The following ZNF343 variants were observed in gnomAD, a reference collection of about 807,000 sequenced individuals.
The protein encoded by ZNF343 is zinc finger protein 343.
ZNF343 carries 11 observed loss-of-function variants against 13.8 expected under a neutral mutation model. The ratio of observed to expected loss-of-function variants is 0.80; its 90% CI spans 0.50 to 1.32. The LOEUF is 1.32. Ranked by LOEUF, ZNF343 falls within the 40% of genes most tolerant of loss-of-function variation. The pLI is 0.00. For missense variants in ZNF343, 658 were observed against 714.2 expected (o/e 0.92, Z 0.90); for synonymous variants, 248 against 260.0 (o/e 0.95, Z 0.44).
chr20:2,500,158 A>G (rs1200058975), intron 2 of ZNF343, among the ~76,000 whole-genome samples: 1 of 152,214 alleles, frequency 6.6e-6, no homozygotes. Flanking sequence ...TAGAATGTTG[A>G]TAACTGAGGA....
upstream of ZNF343, among the ~76,000 whole-genome samples, chr20:2,511,658 C>G (rs553549661): frequency 6.6e-6 from 1 of 152,276 alleles, no homozygotes; most frequent in African/African-American, 2.4e-5. Context: ...TAAAATTCAT[C>G]TAAAAATGAA....
intron 1 of ZNF343, among the ~76,000 whole-genome samples, chr20:2,519,538 C>A (rs1206501350): frequency 6.6e-6 from 1 of 152,212 alleles, no homozygotes; most frequent in Non-Finnish European, 1.5e-5. Flanking sequence ...GCCTGCCAGC[C>A]TCCATAATTG....
rs757150871 is a variant in ZNF343, at chr20:2,483,403, G to C, written c.1558C>G (p.Pro520Ala). Residue 520 changes from proline (P) to alanine (A), a missense_variant, in exon 6 of 6, where the codon CCT becomes GCT. Coordinates refer to ENST00000278772, the MANE Select transcript of ZNF343 (RefSeq NM_024325.6). ...CGCCCACATTCCCTGCAAATATAAGGCTTCTCATTTGAGTGCGTCCTCTGG... is the reference window on the plus strand; with the variant it reads ...CGCCCACATTCCCTGCAAATATAAGCCTTCTCATTTGAGTGCGTCCTCTGG... ...RHQRTHSNEK[P>A]YICRECGRGF... The C allele has an allele frequency of 1.4e-5, 22 of 1,611,766 alleles. No homozygotes were observed. The South Asian group carries it at 2.1e-4, about 15-fold the overall frequency.
chr20:2,523,604 T>A (rs2085791757), intron 1 of ZNF343, among the ~76,000 whole-genome samples: 1 of 151,846 alleles, frequency 6.6e-6, no homozygotes, highest in East Asian at 1.9e-4. Flanking sequence ...TCCTACTGTT[T>A]GAGGAGCCAG....
intron 2 of ZNF343, among the ~76,000 whole-genome samples, chr20:2,496,679 T>G (rs2122640759): frequency 6.6e-6 from 1 of 152,032 alleles, no homozygotes; most frequent in East Asian, 1.9e-4. Context: ...ACAGTGTAGG[T>G]GGTAAATAGC....
chr20:2,495,426 AAT>A (rs1339539882), intron 2 of ZNF343: 1 of 152,232 alleles, frequency 6.6e-6, no homozygotes, highest in Non-Finnish European at 1.5e-5. Context: ...TTGGAAAATG[AAT>A]GTGAGTGAAA....
intron 1 of ZNF343, among the ~76,000 whole-genome samples, chr20:2,523,662 C>T (rs1385815918): frequency 6.7e-6 from 1 of 149,560 alleles, no homozygotes; most frequent in Non-Finnish European, 1.5e-5. Context: ...AAACCCCACT[C>T]CATAGCTATG....
chr20:2,515,930 T>G (rs2085757372), intron 1 of ZNF343, among the ~76,000 whole-genome samples: 1 of 151,910 alleles, frequency 6.6e-6, no homozygotes, highest in Non-Finnish European at 1.5e-5. Flanking sequence ...GGTCAGCGGC[T>G]GTGAAAGGAG....
At position 2,524,453 on chromosome 20, in the gene ZNF343, A is replaced by AC. The variant is rs1172142302; in HGVS notation, c.-347+1dup. On this transcript the variant is annotated splice_donor_variant, in intron 1 of 6. Transcript: ENST00000358413. LOFTEE classifies it low-confidence loss of function (5UTR_SPLICE). ...AGTGTCCACTAGGTCTCCACTTCTT[A>AC]CCGTGAGGCTGGGTTTCGCGTTCTG... 3 of 152,482 alleles carry AC rather than the reference A, an allele frequency of 2.0e-5. No individual in the cohort carries two copies. Among genetic ancestry groups the AC allele is most frequent in the Non-Finnish European group, 2.9e-5 (2 of 68,250 alleles). The allele number at this position is 152,482 out of a possible 1,614,324, so 9.4% of individuals were successfully genotyped here.
chr20:2,524,959 C>T (rs940747809), upstream of ZNF343, among the ~76,000 whole-genome samples: 3 of 152,232 alleles, frequency 2.0e-5, no homozygotes, highest in African/African-American at 7.2e-5. Flanking sequence ...CGGAGTCCCC[C>T]TCTCCGGAGT....
At chr20:2,492,446 T>C (rs2085380822) in intron 5 of ZNF343, among the ~76,000 whole-genome samples, 1 of 152,244 alleles carries the variant, frequency 6.6e-6, no homozygotes, top group Admixed American at 6.5e-5. Flanking sequence ...CCCTTTATCC[T>C]GCCTTATTTC....
rs2085239422 is a variant in ZNF343 at position 2,484,132 on chromosome 20, T to G, written c.829A>C (p.Ser277Arg). The change falls in exon 6 of 6, where the codon AGC becomes CGC. Residue 277 changes from serine to arginine, a missense_variant. Ser to Arg is a moderately radical substitution (Grantham distance 110). Transcript: ENST00000278772. ...KPYICSDCGR[S>R]FKDRSTLIRH... is the part of the protein sequence containing the mutation. ...ATGAGGGTTGATCTATCTTTAAAGC[T>G]TCGCCCACAATCACTGCAAATGTAG... 2.5e-6 allele frequency: 4 copies of G among 1,614,216 alleles called. No individual in the cohort carries two copies. Among genetic ancestry groups the G allele is most frequent in the Non-Finnish European group, 3.4e-6 (4 of 1,180,026 alleles).
chr20:2,511,399 C>T (rs956907168), upstream of ZNF343, among the ~76,000 whole-genome samples: 3 of 152,138 alleles, frequency 2.0e-5, no homozygotes, highest in Non-Finnish European at 2.9e-5. Flanking sequence ...CATGAGCCAC[C>T]GCACCTGGCC....
rs1403065581 is a variant in ZNF343 at position 2,484,029 on chromosome 20, T to C, written c.932A>G (p.Asn311Ser). Residue 311 changes from asparagine to serine, a missense_variant, in exon 6 of 6, where the codon AAC (asparagine) becomes AGC (serine). By Grantham distance (46) the Asn-to-Ser change is conservative. Coordinates refer to ENST00000278772, the MANE Select transcript of ZNF343 (RefSeq NM_024325.6). ...ATGTGTTCTCTGGTGTCTGCTGAGG[T>C]TGGACTTCTGGCTAAAACCTCGCCC... ...ECGRGFSQKS[N>S]LSRHQRTHSE... The C allele has an allele frequency of 2.5e-6, 4 of 1,614,002 alleles. No individual in the cohort carries two copies. The highest frequency in any genetic ancestry group is 2.2e-5 in the South Asian group (2 of 91,068).
At chr20:2,511,615 C>A (rs1022729175), upstream of ZNF343, among the ~76,000 whole-genome samples, 1 of 152,174 alleles carries the variant, frequency 6.6e-6, no homozygotes, top group African/African-American at 2.4e-5. Context: ...AATGGGAAAT[C>A]TCTGTCCCTT....
intron 2 of ZNF343, among the ~76,000 whole-genome samples, chr20:2,496,765 G>A (rs2085466076): frequency 6.6e-6 from 1 of 152,062 alleles, no homozygotes; most frequent in African/African-American, 2.4e-5. Flanking sequence ...TAGTATTTTT[G>A]CCTGGAGCAG....
intron 5 of ZNF343, among the ~76,000 whole-genome samples, chr20:2,491,128 T>A (rs1392110389): frequency 6.6e-6 from 1 of 152,232 alleles, no homozygotes; most frequent in African/African-American, 2.4e-5. Flanking sequence ...TCTACATGTT[T>A]TATCTAGAAA....
At chr20:2,520,594 A>G (rs1437714730) in intron 1 of ZNF343, among the ~76,000 whole-genome samples, 1 of 152,158 alleles carries the variant, frequency 6.6e-6, no homozygotes, top group Non-Finnish European at 1.5e-5. Context: ...TCATTAATAT[A>G]CTGCTTATTT....
chr20:2,497,514 CA>C (rs959767357), intron 2 of ZNF343, among the ~76,000 whole-genome samples: 3 of 152,170 alleles, frequency 2.0e-5, no homozygotes, highest in African/African-American at 7.2e-5. Flanking sequence ...GAATTGCTGC[CA>C]AGAAGACAGA....
Sources: allele counts gnomAD v4.1 joint callset (sites outside exome capture counted in the v4.1 genomes callset), GRCh38; gene constraint gnomAD v4.1.1; transcripts MANE v1.5; gene names NCBI Gene and HGNC (gene_info 2026-07-23, HGNC 2026-07-21).